The following SLC36A4 variants were observed in gnomAD, a reference collection of about 807,000 sequenced individuals.
The protein encoded by SLC36A4 is solute carrier family 36 member 4.
In SLC36A4, 49 loss-of-function variants were observed where a neutral mutation model predicts 50.5. The ratio of observed to expected loss-of-function variants is 0.97; its 90% CI spans 0.77 to 1.23. The LOEUF (loss-of-function observed/expected upper bound fraction) is 1.23, where lower values mean the gene tolerates loss of function less well. Among genes scored for constraint, SLC36A4 ranks in the 50% most tolerant of loss-of-function variants. The pLI, the probability that SLC36A4 is intolerant of heterozygous loss-of-function variation, is 0.00. For synonymous variants in SLC36A4, 207 were observed against 206.5 expected (o/e 1.00, Z -0.02); for missense variants, 611 against 608.4 (o/e 1.00, Z -0.05).
rs1404528226 is a variant in SLC36A4, at chr11:93,185,740, G to A, written c.130C>T (p.Leu44Phe). ...GTSDEEHEQE[L>F]LPVQKHYQLD... ...TGGTAATGCTTCTGAACAGGCAGAA[G>A]CTCTTGCTCATGTTCTTCATCTGAT... Residue 44 changes from leucine to phenylalanine, a missense_variant, in exon 2 of 11, where the codon CTT becomes TTT. Transcript: ENST00000326402. 4.3e-6 allele frequency: 7 copies of A among 1,609,324 alleles called. No homozygotes were observed. In the East Asian group the frequency reaches 1.6e-4, roughly 36 times the overall value.
At chr11:93,181,133 A>T (rs1302178466) in intron 5 of SLC36A4, among the ~76,000 whole-genome samples, 4 of 152,046 alleles carry the variant, frequency 2.6e-5, no homozygotes, top group Non-Finnish European at 2.9e-5. Flanking sequence ...TCTTTACAAC[A>T]GGTAGCACTT....
intron 6 of SLC36A4, among the ~76,000 whole-genome samples, chr11:93,173,024 G>T (rs1424215380): frequency 1.4e-5 from 2 of 143,008 alleles, no homozygotes; most frequent in Non-Finnish European, 3.1e-5. Flanking sequence ...TCGCCACACT[G>T]ACTTCCACAA....
At chr11:93,183,241 T>A (rs188829087) in intron 3 of SLC36A4, among the ~76,000 whole-genome samples, 1 of 152,340 alleles carries the variant, frequency 6.6e-6, no homozygotes, top group Admixed American at 6.5e-5. Context: ...TGCATCATTA[T>A]CTAAATCCCG....
In SLC36A4 at chr11:93,148,859, T is replaced by A; in HGVS notation, c.1208-15A>T. 1 of 1,587,580 alleles carries A rather than the reference T, an allele frequency of 6.3e-7. No individual in the cohort carries two copies. Among genetic ancestry groups the A allele is most frequent in the Non-Finnish European group, 8.5e-7 (1 of 1,170,728 alleles). ...TGCTCCGGCACCTAGAAAATGAAAATACATTTATTTTTCTTATTTAAATGT... is the reference window on the plus strand; with the variant it reads ...TGCTCCGGCACCTAGAAAATGAAAAAACATTTATTTTTCTTATTTAAATGT... On this transcript the variant is annotated splice_polypyrimidine_tract_variant and intron_variant, in intron 10 of 10. Transcript: ENST00000326402.
chr11:93,155,971 T>C (rs370134363), intron 9 of SLC36A4, among the ~76,000 whole-genome samples: 4 of 152,232 alleles, frequency 2.6e-5, no homozygotes, highest in African/African-American at 9.6e-5. Flanking sequence ...TTATCCAATC[T>C]ATCACTGACA....
chr11:93,175,536 T>C (rs1861420221), intron 6 of SLC36A4, among the ~76,000 whole-genome samples: 1 of 145,490 alleles, frequency 6.9e-6, no homozygotes, highest in African/African-American at 2.5e-5. Flanking sequence ...TTAATTGTGA[T>C]GTTAGGGTGT....
intron 6 of SLC36A4, chr11:93,179,972 C>T: frequency 2.1e-6 from 1 of 481,288 alleles, no homozygotes; most frequent in Non-Finnish European, 2.7e-6. Flanking sequence ...AAAAGAGACT[C>T]AAATACACAA....
At chr11:93,197,730 A>G in intron 1 of SLC36A4, 48 bp downstream of exon 1, 2 of 1,560,436 alleles carry the variant, frequency 1.3e-6, no homozygotes, top group Non-Finnish European at 1.7e-6. Flanking sequence ...TCCCGCACAG[A>G]CCCCCGCCCA....
intron 1 of SLC36A4, among the ~76,000 whole-genome samples, chr11:93,187,268 T>C (rs1862028084): frequency 2.0e-5 from 3 of 152,340 alleles, no homozygotes; most frequent in African/African-American, 7.2e-5. Flanking sequence ...TCTTTGTCTT[T>C]AAAGTCTAGT....
intron 1 of SLC36A4, among the ~76,000 whole-genome samples, chr11:93,192,778 T>C (rs1348365985): frequency 6.6e-6 from 1 of 152,176 alleles, no homozygotes; most frequent in Non-Finnish European, 1.5e-5. Context: ...GCTATTGCAC[T>C]GAACAGCACA....
At chr11:93,182,919 G>A in intron 3 of SLC36A4, 25 bp from the exon 4 acceptor site, 2 of 1,517,590 alleles carry the variant, frequency 1.3e-6, no homozygotes, top group Non-Finnish European at 1.8e-6. Context: ...AATTTATAAG[G>A]TTTAAATATT....
intron 10 of SLC36A4, among the ~76,000 whole-genome samples, chr11:93,151,118 G>A (rs969543158): frequency 6.6e-6 from 1 of 151,872 alleles, no homozygotes; most frequent in Non-Finnish European, 1.5e-5. Context: ...TTGTAAAAAT[G>A]GTTTGAAATA....
intron 10 of SLC36A4, among the ~76,000 whole-genome samples, chr11:93,149,802 A>G (rs1332302539): frequency 1.3e-5 from 2 of 152,064 alleles, no homozygotes; most frequent in South Asian, 2.1e-4. Flanking sequence ...CAAGATTATC[A>G]TAAGGTCTAT....
chr11:93,172,810 G>A (rs1199976257), intron 6 of SLC36A4, among the ~76,000 whole-genome samples: 5 of 133,168 alleles, frequency 3.8e-5, no homozygotes, highest in Non-Finnish European at 7.9e-5. Flanking sequence ...ATTCCATGGT[G>A]TATATGTGCC....
chr11:93,182,468 A>G (rs2134694035), intron 4 of SLC36A4: 1 of 154,572 alleles, frequency 6.5e-6, no homozygotes, highest in Non-Finnish European at 1.4e-5. Flanking sequence ...CACCAAAGGC[A>G]TTATAATCAA....
chr11:93,186,949 G>A lies in SLC36A4; in HGVS notation c.56-1135C>T, dbSNP rs140272824. The stretch of plus-strand genomic sequence containing the variant: ...CATTTCTAACAAGTTCCCCAGTGCT[G>A]CTGATGTTGCTGGTCTGGGGACCAC... On this transcript the variant is annotated intron_variant, in intron 1 of 10. Coordinates refer to ENST00000326402, the MANE Select transcript of SLC36A4 (RefSeq NM_152313.4). 9.8e-4 allele frequency among the ~76,000 whole-genome samples: 149 copies of A among 152,292 alleles called. 3 individuals carry two copies. Among genetic ancestry groups the A allele is most frequent in the African/African-American group, 3.4e-3 (141 of 41,564 alleles).
chr11:93,180,375 C>T (rs897480130), intron 6 of SLC36A4: 1 of 945,262 alleles, frequency 1.1e-6, no homozygotes, highest in African/African-American at 1.8e-5. Context: ...TGTCTTTTTA[C>T]ACAATGGCTA....
chr11:93,180,434 T>C, intron 6 of SLC36A4: 1 of 584,444 alleles, frequency 1.7e-6, no homozygotes, highest in Non-Finnish European at 2.2e-6. Context: ...ACTTGATTTT[T>C]TAGCCTACTG....
intron 4 of SLC36A4, among the ~76,000 whole-genome samples, 175 bp downstream of exon 4, chr11:93,182,631 A>G (rs1180642419): frequency 2.0e-5 from 3 of 152,166 alleles, no homozygotes; most frequent in Non-Finnish European, 4.4e-5. Flanking sequence ...AAAAATAAAT[A>G]GATTCCAACC....
Sources: gnomAD v4.1 joint callset for allele counts (sites outside exome capture counted in the v4.1 genomes callset) on GRCh38, gnomAD v4.1.1 for gene constraint, MANE v1.5 for transcripts, NCBI Gene and HGNC (gene_info 2026-07-23, HGNC 2026-07-21) for gene names.